The following PPP2R3A variants were observed in gnomAD, a reference collection of about 807,000 sequenced individuals.
The protein encoded by PPP2R3A is protein phosphatase 2 regulatory subunit B''alpha, also known as serine/threonine-protein phosphatase 2A regulatory subunit B'' subunit alpha.
A neutral mutation model predicts 106.9 loss-of-function variants in PPP2R3A; 80 were observed. That is an observed-to-expected ratio of 0.75 (90% CI 0.62 to 0.90). The LOEUF is 0.90. PPP2R3A is among the 40% of genes least tolerant of loss of function. The pLI, the probability that PPP2R3A is intolerant of heterozygous loss-of-function variation, is 0.00. For missense variants in PPP2R3A, 1,386 were observed against 1,350.4 expected, an observed-to-expected ratio of 1.03 and a Z score of -0.41; for synonymous variants, 483 against 468.3, an observed-to-expected ratio of 1.03 and a Z score of -0.41.
chr3:136,109,536 TGAA>T (rs1158967018), intron 13 of PPP2R3A, among the ~76,000 whole-genome samples: 1 of 152,176 alleles, frequency 6.6e-6, no homozygotes, highest in Non-Finnish European at 1.5e-5. Context: ...ACCTATTACT[TGAA>T]GACACAGTAA....
chr3:136,014,454 C>A (rs769153585), intron 2 of PPP2R3A, among the ~76,000 whole-genome samples: 5 of 152,132 alleles, frequency 3.3e-5, no homozygotes, highest in Non-Finnish European at 7.4e-5. Flanking sequence ...CATCCATGAG[C>A]ATGCGATATG....
At chr3:136,048,549 A>G (rs1935555891) in intron 4 of PPP2R3A, among the ~76,000 whole-genome samples, 1 of 151,966 alleles carries the variant, frequency 6.6e-6, no homozygotes, top group African/African-American at 2.4e-5. Context: ...GCATGCGCCT[A>G]TAGTCCCAGC....
Position 135,988,877 on chromosome 3 carries a change from G to A in PPP2R3A, c.-440-12182G>A, listed in dbSNP as rs1933042153. Among the ~76,000 whole-genome samples the A allele has an allele frequency of 2.0e-5, 3 of 152,118 alleles. No individual in the cohort carries two copies. In the South Asian group the frequency reaches 6.2e-4, roughly 31 times the overall value. Reference sequence around the variant, plus strand: ...AGGAAATTCCATCAATGATGCTACAGTCTTGACATTGAATCATTTTGGGAG... The same window carrying A: ...AGGAAATTCCATCAATGATGCTACAATCTTGACATTGAATCATTTTGGGAG... On this transcript the variant is annotated intron_variant, in intron 1 of 13. Transcript: ENST00000264977.
intron 4 of PPP2R3A, among the ~76,000 whole-genome samples, chr3:136,046,218 G>A (rs1205747155): frequency 2.6e-5 from 4 of 152,110 alleles, no homozygotes; most frequent in South Asian, 2.1e-4. Flanking sequence ...TTGGGAGGCC[G>A]AGGCAGGTGG....
At position 136,145,370 on chromosome 3, in the gene PPP2R3A, G is replaced by C; in HGVS notation, c.*204G>C. 2.1e-6 allele frequency: 1 copy of C among 473,796 alleles called. No individual in the cohort carries two copies. The highest frequency in any genetic ancestry group is 3.5e-6 in the Non-Finnish European group (1 of 284,414). The allele number at this position is 473,796 out of a possible 1,614,324, so 29.3% of individuals were successfully genotyped here. ...CTCCAATTTGCCTCAAACCTCTTAC[G>C]GAGCTTCTCCTCAGAAGTGGTACCA... On this transcript the variant is annotated 3_prime_UTR_variant, in exon 14 of 14. Transcript: ENST00000264977.
intron 3 of PPP2R3A, among the ~76,000 whole-genome samples, chr3:136,030,452 C>T (rs1033797913): frequency 5.9e-5 from 9 of 151,846 alleles, no homozygotes; most frequent in East Asian, 1.9e-4. Context: ...TTTGGTTACA[C>T]GAGTAAGTTC....
chr3:136,055,756 G>T, intron 5 of PPP2R3A: 1 of 650,980 alleles, frequency 1.5e-6, no homozygotes, highest in Non-Finnish European at 2.8e-6. Flanking sequence ...ATGGAATGTG[G>T]TGATGAGAAT....
At chr3:136,076,134 C>T (rs570965239) in intron 6 of PPP2R3A, among the ~76,000 whole-genome samples, 6 of 152,296 alleles carry the variant, frequency 3.9e-5, no homozygotes, top group East Asian at 1.9e-4. Flanking sequence ...AAAAGAAACC[C>T]AGCCACTTCA....
In PPP2R3A at chr3:136,144,944, C is replaced by A. The variant is rs935634252; in HGVS notation, c.3330-99C>A. 12 of 1,366,446 alleles carry A rather than the reference C, an allele frequency of 8.8e-6. No homozygotes were observed. The Admixed American group carries it at 2.1e-4, about 24-fold the overall frequency. The allele number at this position is 1,366,446 out of a possible 1,614,324, so 84.6% of individuals were successfully genotyped here. A position where few individuals can be genotyped will look rare whatever the true frequency, so the allele number is the denominator to read the frequency against. ...GGCCTCCATTTAGCAATTCAAGGTACCTTTGTGGGCTGGTCTTGAGGCTCG... is the reference window on the plus strand; with the variant it reads ...GGCCTCCATTTAGCAATTCAAGGTAACTTTGTGGGCTGGTCTTGAGGCTCG... On this transcript the variant is annotated intron_variant, in intron 13 of 13. Transcript: ENST00000264977.
Position 136,072,421 on chromosome 3 carries a change from G to A in PPP2R3A, c.2544+1869G>A, listed in dbSNP as rs372735421. 4.6e-3 allele frequency among the ~76,000 whole-genome samples: 696 copies of A among 152,198 alleles called. 4 individuals are homozygous for A. Among genetic ancestry groups the A allele is most frequent in the Non-Finnish European group, 7.1e-3 (481 of 68,000 alleles). On this transcript the variant is annotated intron_variant, in intron 6 of 13. Transcript: ENST00000264977. Reference sequence around the variant, plus strand: ...AGCTTGGCCAACATGGTGAAACCCCGTCTCTACTAAAAATATAAAAATTAG... The same window carrying A: ...AGCTTGGCCAACATGGTGAAACCCCATCTCTACTAAAAATATAAAAATTAG...
At chr3:135,983,689 G>T (rs1937568644) in intron 1 of PPP2R3A, among the ~76,000 whole-genome samples, 1 of 152,044 alleles carries the variant, frequency 6.6e-6, no homozygotes, top group East Asian at 1.9e-4. Flanking sequence ...AATCTCACAG[G>T]TCATTTTTTA....
intron 5 of PPP2R3A, among the ~76,000 whole-genome samples, chr3:136,061,983 C>G (rs1020123350): frequency 6.8e-6 from 1 of 147,884 alleles, no homozygotes; most frequent in African/African-American, 2.5e-5. Flanking sequence ...CTTTAAGACA[C>G]ATGCATAAAC....
intron 1 of PPP2R3A, among the ~76,000 whole-genome samples, chr3:135,995,924 T>A (rs750090810): frequency 3.3e-5 from 5 of 152,230 alleles, no homozygotes; most frequent in Non-Finnish European, 7.3e-5. Context: ...GTTTATACTT[T>A]CTTTCTCTGC....
At chr3:136,133,500 ACT>A (rs749281986) in intron 13 of PPP2R3A, among the ~76,000 whole-genome samples, 2 of 152,018 alleles carry the variant, frequency 1.3e-5, no homozygotes, top group Non-Finnish European at 1.5e-5. Context: ...AGAAACCAAA[ACT>A]CTCATACATT....
intron 7 of PPP2R3A, among the ~76,000 whole-genome samples, chr3:136,079,479 G>A (rs2107925561): frequency 6.6e-6 from 1 of 151,330 alleles, no homozygotes; most frequent in East Asian, 1.9e-4. Flanking sequence ...TGCGATCTGG[G>A]TTCACCACAA....
chr3:136,072,020 C>T (rs946422944), intron 6 of PPP2R3A, among the ~76,000 whole-genome samples: 1 of 152,138 alleles, frequency 6.6e-6, no homozygotes, highest in African/African-American at 2.4e-5. Context: ...CCTCCCCCTA[C>T]ACTCTATTCC....
intron 7 of PPP2R3A, among the ~76,000 whole-genome samples, chr3:136,080,669 G>A (rs1936753591): frequency 1.3e-5 from 2 of 152,104 alleles, no homozygotes; most frequent in Admixed American, 6.6e-5. Context: ...TATACAACTA[G>A]TATCATTTTT....
At chr3:136,095,559 C>G (rs1041987870) in intron 10 of PPP2R3A, among the ~76,000 whole-genome samples, 1 of 152,148 alleles carries the variant, frequency 6.6e-6, no homozygotes, top group African/African-American at 2.4e-5. Context: ...TCTCCCAAAC[C>G]TGGACTCTAC....
chr3:136,125,372 GATTA>G (rs1413083694), intron 13 of PPP2R3A, among the ~76,000 whole-genome samples: 1 of 152,090 alleles, frequency 6.6e-6, no homozygotes, highest in Admixed American at 6.6e-5. Context: ...TGACTTCACT[GATTA>G]ATTCTGTCCA....
Sources: gnomAD v4.1 joint callset for allele counts (sites outside exome capture counted in the v4.1 genomes callset) on GRCh38, gnomAD v4.1.1 for gene constraint, MANE v1.5 for transcripts, NCBI Gene and HGNC (gene_info 2026-07-23, HGNC 2026-07-21) for gene names.